The following SPRED1 variants were observed in gnomAD, a reference collection of about 807,000 sequenced individuals.
SPRED1 encodes the protein sprouty related EVH1 domain containing 1.
SPRED1 carries 18 observed loss-of-function variants against 52.3 expected under a neutral mutation model. That is an observed-to-expected ratio of 0.34 (90% CI 0.24 to 0.51). The LOEUF (loss-of-function observed/expected upper bound fraction) is 0.51. Ranked by LOEUF, SPRED1 falls within the 20% of genes least tolerant of loss-of-function variation. The probability of loss-of-function intolerance (pLI) is 0.97; values close to 1 mark genes in which losing one functional copy is unlikely to be tolerated. For missense variants in SPRED1, 485 were observed against 551.0 expected, an observed-to-expected ratio of 0.88 and a Z score of 1.20; for synonymous variants, 155 against 179.7, an observed-to-expected ratio of 0.86 and a Z score of 1.10.
intron 1 of SPRED1, among the ~76,000 whole-genome samples, chr15:38,297,348 C>T (rs550817823): frequency 1.3e-5 from 2 of 152,220 alleles, no homozygotes; most frequent in South Asian, 4.1e-4. Context: ...AGAAGCTAGC[C>T]CACAAATGTG....
intron 1 of SPRED1, among the ~76,000 whole-genome samples, chr15:38,258,819 A>G (rs1255678914): frequency 6.6e-6 from 1 of 152,222 alleles, no homozygotes; most frequent in Non-Finnish European, 1.5e-5. Context: ...CCATTTGTAC[A>G]TCATTTATTT....
At chr15:38,310,586 C>T (rs1895346394) in intron 2 of SPRED1, among the ~76,000 whole-genome samples, 1 of 152,180 alleles carries the variant, frequency 6.6e-6, no homozygotes, top group Non-Finnish European at 1.5e-5. Flanking sequence ...CATAAATACA[C>T]TGTGTCTCTG....
At chr15:38,259,120 CATTTTG>C (rs1764064429) in intron 1 of SPRED1, among the ~76,000 whole-genome samples, 2 of 152,176 alleles carry the variant, frequency 1.3e-5, no homozygotes, top group African/African-American at 4.8e-5. Flanking sequence ...TAAAAGCATG[CATTTTG>C]AACAATTAAG....
In SPRED1 at chr15:38,307,853, A is replaced by C. The variant is rs188546292; in HGVS notation, c.207+8306A>C. On this transcript the variant is annotated intron_variant, in intron 2 of 6. Transcript: ENST00000299084. ...CTCCAGACAGTTTATGTTTTTTCGC[A>C]TGTAGGTACATTTACTTAAGTTTTT... Among the ~76,000 whole-genome samples the C allele has an allele frequency of 1.1e-4, 16 of 152,218 alleles. No homozygotes were observed. The East Asian group carries it at 3.1e-3, about 29-fold the overall frequency.
intron 1 of SPRED1, among the ~76,000 whole-genome samples, chr15:38,298,378 A>G (rs896439789): frequency 3.3e-5 from 5 of 152,202 alleles, no homozygotes; most frequent in African/African-American, 1.2e-4. Context: ...AAAAATGTCT[A>G]CAAAAAAGAC....
rs368307475 is a variant in SPRED1 at position 38,351,602 on chromosome 15, A to G, written c.1273A>G (p.Met425Val). The change falls in exon 7 of 7, where the codon ATG becomes GTG. Residue 425 changes from methionine (M) to valine (V), a missense_variant. Met to Val is a conservative substitution (Grantham distance 21). Transcript: ENST00000299084. ...TATGTGCTGCTACGTCCCTTTGAGA[A>G]TGTGCCATCGCTGTGGTGAGGCATG... ...PCMCCYVPLR[M>V]CHRCGEACGC... 19 of 1,613,992 alleles carry G rather than the reference A, an allele frequency of 1.2e-5. No individual in the cohort carries two copies. The African/African-American group carries it at 2.4e-4, about 20-fold the overall frequency.
intron 4 of SPRED1, among the ~76,000 whole-genome samples, chr15:38,334,274 A>C (rs11853312): frequency 0.078 from 11,819 of 152,110 alleles, 575 homozygotes; most frequent in Non-Finnish European, 0.11. Flanking sequence ...ATGAAAAAAA[A>C]TATGACTTCA....
chr15:38,289,974 C>T (rs777765599), intron 1 of SPRED1, among the ~76,000 whole-genome samples: 8 of 152,044 alleles, frequency 5.3e-5, no homozygotes, highest in Non-Finnish European at 8.8e-5. Context: ...AATTTGTTAT[C>T]TTTGTCTTTA....
chr15:38,346,275 A>G (rs954208985), intron 5 of SPRED1, among the ~76,000 whole-genome samples: 2 of 150,868 alleles, frequency 1.3e-5, no homozygotes, highest in East Asian at 2.0e-4. Flanking sequence ...CACGTACGCC[A>G]TTGCACCCAA....
Position 38,351,530 on chromosome 15 carries a change from T to C in SPRED1, c.1201T>C (p.Cys401Arg). 1 of 1,614,174 alleles carries C rather than the reference T, an allele frequency of 6.2e-7. No homozygotes were observed. The highest frequency in any genetic ancestry group is 8.5e-7 in the Non-Finnish European group (1 of 1,180,012). The stretch of plus-strand genomic sequence containing the variant: ...GTGTGACACTAGCGACGACAAGTTC[T>C]GCTTGCGATGGTTAGCCCTGGTAGC... The part of the protein sequence containing the change: ...CSCDTSDDKF[C>R]LRWLALVALS... Residue 401 changes from cysteine (C) to arginine (R), a missense_variant, in exon 7 of 7, where the codon TGC (cysteine) becomes CGC (arginine). Coordinates refer to ENST00000299084, the MANE Select transcript of SPRED1 (RefSeq NM_152594.3).
At chr15:38,279,807 A>G (rs1483228627) in intron 1 of SPRED1, among the ~76,000 whole-genome samples, 1 of 152,236 alleles carries the variant, frequency 6.6e-6, no homozygotes. Context: ...CCTAATGTAG[A>G]ATAAGAACTA....
intron 2 of SPRED1, among the ~76,000 whole-genome samples, chr15:38,308,412 T>C (rs8026719): frequency 1.5e-4 from 23 of 152,224 alleles, no homozygotes; most frequent in African/African-American, 5.5e-4. Context: ...TGTACAGTTT[T>C]ATCACGTTTT....
chr15:38,311,544 C>T (rs12441029), intron 2 of SPRED1, among the ~76,000 whole-genome samples: 18,383 of 152,158 alleles, frequency 0.12, 1,920 homozygotes, highest in East Asian at 0.54. Context: ...TTGAAACTAT[C>T]TCAATATGAA....
At chr15:38,254,294 T>C (rs1018350643) in intron 1 of SPRED1, among the ~76,000 whole-genome samples, 3 of 152,218 alleles carry the variant, frequency 2.0e-5, no homozygotes, top group African/African-American at 7.2e-5. Flanking sequence ...TTAAAGTCTG[T>C]ACCGAGTCCT....
chr15:38,263,807 G>T (rs1406336647), intron 1 of SPRED1, among the ~76,000 whole-genome samples: 1 of 152,030 alleles, frequency 6.6e-6, no homozygotes, highest in East Asian at 1.9e-4. Context: ...GGTAGCGGAT[G>T]CGCTAAAAAA....
chr15:38,355,588 G>A lies in SPRED1; in HGVS notation c.*3924G>A, dbSNP rs1186068807. ...ATTTCTTGTGTTGAAATTTACATTC[G>A]ATTTTGTGATTACACTTGGAAGTAT... is the stretch of plus-strand genomic sequence containing the variant. On this transcript the variant is annotated 3_prime_UTR_variant, in exon 7 of 7. Coordinates refer to ENST00000299084, the MANE Select transcript of SPRED1 (RefSeq NM_152594.3). 1 of 152,146 alleles carries A rather than the reference G, an allele frequency of 6.6e-6. No individual in the cohort carries two copies. Among genetic ancestry groups the A allele is most frequent in the East Asian group, 1.9e-4 (1 of 5,200 alleles). 9.4% of individuals were successfully genotyped at this position (152,146 alleles called of 1,614,324 possible).
chr15:38,266,055 A>G (rs1894301081), intron 1 of SPRED1, among the ~76,000 whole-genome samples: 1 of 152,212 alleles, frequency 6.6e-6, no homozygotes, highest in South Asian at 2.1e-4. Context: ...GGTCATTAAA[A>G]GCTAAAGCAA....
chr15:38,314,992 A>T (rs987053013), intron 2 of SPRED1, among the ~76,000 whole-genome samples: 1 of 151,860 alleles, frequency 6.6e-6, no homozygotes, highest in Non-Finnish European at 1.5e-5. Flanking sequence ...ACACAGTGTT[A>T]AACACAAATT....
Position 38,278,828 on chromosome 15 carries a change from G to GTTTTT in SPRED1, c.33-20534_33-20530dup, listed in dbSNP as rs765637726. Among the ~76,000 whole-genome samples, 427 of 118,250 alleles carry GTTTTT rather than the reference G, an allele frequency of 3.6e-3. 36 individuals carry two copies. The highest frequency in any genetic ancestry group is 0.011 in the Middle Eastern group (2 of 180). The allele number at this position is 118,250 out of a possible 152,430, so 77.6% of individuals were successfully genotyped here. On this transcript the variant is annotated intron_variant, in intron 1 of 6. Coordinates refer to ENST00000299084, the MANE Select transcript of SPRED1 (RefSeq NM_152594.3). ...ACAACCATTATAACCTAACTACACTGTTTTTTTTTTTTTTTGTGAAATGAA... is the reference window on the plus strand; with the variant it reads ...ACAACCATTATAACCTAACTACACTGTTTTTTTTTTTTTTTTTTTTGTGAAATGAA...
Sources: allele counts gnomAD v4.1 joint callset (sites outside exome capture counted in the v4.1 genomes callset), GRCh38; gene constraint gnomAD v4.1.1; transcripts MANE v1.5; gene names NCBI Gene and HGNC (gene_info 2026-07-23, HGNC 2026-07-21).